PRKN: variants seen among roughly 807,000 people sequenced by gnomAD.
PRKN encodes parkin RBR E3 ubiquitin protein ligase, also known as E3 ubiquitin-protein ligase parkin.
A neutral mutation model predicts 59.5 loss-of-function variants in PRKN; 56 were observed. The ratio of observed to expected loss-of-function variants is 0.94; its 90% CI spans 0.76 to 1.18. The LOEUF (loss-of-function observed/expected upper bound fraction) is 1.18, where lower values mean the gene tolerates loss of function less well. Among genes scored for constraint, PRKN ranks in the 50% most tolerant of loss-of-function variants. The pLI, the probability that PRKN is intolerant of heterozygous loss-of-function variation, is 0.00. For synonymous variants in PRKN, 250 were observed against 222.1 expected (o/e 1.13, Z -1.12); for missense variants, 657 against 596.4 (o/e 1.10, Z -1.06).
intron 1 of PRKN, among the ~76,000 whole-genome samples, chr6:162,576,381 T>C (rs1326989499): frequency 6.6e-6 from 1 of 152,156 alleles, no homozygotes; most frequent in Non-Finnish European, 1.5e-5. Flanking sequence ...ATTAGGAAGA[T>C]GAAATCAACG....
intron 9 of PRKN, among the ~76,000 whole-genome samples, chr6:161,455,707 C>G (rs1428091480): frequency 1.3e-5 from 2 of 151,540 alleles, no homozygotes; most frequent in Non-Finnish European, 2.9e-5. Context: ...CTACTAAATA[C>G]AAAAAATTAG....
chr6:162,501,420 T>C (rs1194335306), intron 1 of PRKN, among the ~76,000 whole-genome samples: 1 of 150,940 alleles, frequency 6.6e-6, no homozygotes, highest in Non-Finnish European at 1.5e-5. Flanking sequence ...TAATCTCGGC[T>C]CACTGCAGCC....
chr6:161,855,653 G>A (rs1001732750), intron 6 of PRKN, among the ~76,000 whole-genome samples: 6 of 151,980 alleles, frequency 3.9e-5, no homozygotes, highest in East Asian at 1.9e-4. Flanking sequence ...CTTTCTTTAC[G>A]CTGTTCTTTA....
intron 9 of PRKN, among the ~76,000 whole-genome samples, chr6:161,489,665 C>T (rs540301947): frequency 1.8e-4 from 28 of 151,716 alleles, no homozygotes; most frequent in African/African-American, 5.1e-4. Context: ...TTTTAACCTA[C>T]TAGGGATCTA....
chr6:162,193,956 A>C (rs1279637136), intron 4 of PRKN, among the ~76,000 whole-genome samples: 15 of 152,202 alleles, frequency 9.9e-5, no homozygotes, highest in Admixed American at 9.8e-4. Context: ...TTCAATATAA[A>C]ATACAGAAGA....
At chr6:161,964,962 T>A (rs900996242) in intron 6 of PRKN, among the ~76,000 whole-genome samples, 5 of 152,094 alleles carry the variant, frequency 3.3e-5, no homozygotes, top group African/African-American at 1.2e-4. Flanking sequence ...AGAATTAATA[T>A]GTGAATTGAC....
At chr6:161,885,228 A>G (rs1223974972) in intron 6 of PRKN, among the ~76,000 whole-genome samples, 2 of 152,110 alleles carry the variant, frequency 1.3e-5, no homozygotes, top group Non-Finnish European at 2.9e-5. Flanking sequence ...AAGGCATTCA[A>G]TCTGCTTCTT....
chr6:161,716,806 T>C (rs375662109), intron 7 of PRKN, among the ~76,000 whole-genome samples: 5 of 152,118 alleles, frequency 3.3e-5, no homozygotes, highest in East Asian at 3.9e-4. Context: ...CAAGGTGGCA[T>C]GGCCAGAGCA....
chr6:162,348,725 C>T (rs1243226900), intron 2 of PRKN, among the ~76,000 whole-genome samples: 2 of 151,898 alleles, frequency 1.3e-5, no homozygotes, highest in African/African-American at 4.8e-5. Flanking sequence ...AGATGCAAGG[C>T]CTTACAAAAA....
chr6:162,331,816 G>A (rs975955738), intron 2 of PRKN, among the ~76,000 whole-genome samples: 1 of 152,128 alleles, frequency 6.6e-6, no homozygotes, highest in Non-Finnish European at 1.5e-5. Flanking sequence ...TGAGACCTCC[G>A]TAGCGGTGGG....
chr6:162,417,556 C>T (rs1788694205), intron 2 of PRKN, among the ~76,000 whole-genome samples: 1 of 152,156 alleles, frequency 6.6e-6, no homozygotes, highest in Non-Finnish European at 1.5e-5. Flanking sequence ...ATATGAGTGA[C>T]CTGCTTTAAT....
chr6:162,595,823 G>T (rs1254418546), intron 1 of PRKN, among the ~76,000 whole-genome samples: 3 of 152,046 alleles, frequency 2.0e-5, no homozygotes, highest in Non-Finnish European at 4.4e-5. Context: ...CTCCATTTGA[G>T]TTACTAATGC....
chr6:161,723,066 C>T lies in PRKN; in HGVS notation c.871+62706G>A, dbSNP rs189826891. On this transcript the variant is annotated intron_variant, in intron 7 of 11. Transcript: ENST00000366898. Reference sequence around the variant, plus strand: ...GGTGGATCACTTGAGGTCAAGAGTTCGAGACCAGCTTGACCTACATAGTGA... The same window carrying T: ...GGTGGATCACTTGAGGTCAAGAGTTTGAGACCAGCTTGACCTACATAGTGA... Among the ~76,000 whole-genome samples the T allele has an allele frequency of 3.9e-4, 59 of 152,200 alleles. No individual in the cohort carries two copies. The Middle Eastern group carries it at 0.01, about 26-fold the overall frequency.
rs1440596026 is a variant in PRKN at position 162,241,040 on chromosome 6, CT to C, written c.412+21484del. Among the ~76,000 whole-genome samples the C allele has an allele frequency of 3.9e-5, 6 of 152,262 alleles. No individual in the cohort carries two copies. The East Asian group carries it at 1.2e-3, about 29-fold the overall frequency. On this transcript the variant is annotated intron_variant, in intron 3 of 11. Coordinates refer to ENST00000366898, the MANE Select transcript of PRKN (RefSeq NM_004562.3). ...ATTTGGAGTTGACTTTTTAAATTTC[CT>C]TTCAATGTTAGAAATTTAAATTAGA...
intron 1 of PRKN, among the ~76,000 whole-genome samples, chr6:162,590,761 G>A (rs1021243520): frequency 7.9e-5 from 12 of 152,090 alleles, no homozygotes; most frequent in African/African-American, 2.9e-4. Flanking sequence ...TATTATGAGT[G>A]AATTGGTGAA....
At chr6:162,367,067 G>A (rs546724535) in intron 2 of PRKN, among the ~76,000 whole-genome samples, 1 of 152,062 alleles carries the variant, frequency 6.6e-6, no homozygotes, top group Non-Finnish European at 1.5e-5. Flanking sequence ...CCGGTGGGAG[G>A]TAGTTGAATC....
At chr6:162,561,436 G>GC (rs1452618895) in intron 1 of PRKN, among the ~76,000 whole-genome samples, 3 of 151,962 alleles carry the variant, frequency 2.0e-5, no homozygotes, top group Non-Finnish European at 4.4e-5. Context: ...CCCCGACCCC[G>GC]CAAGGACACC....
intron 4 of PRKN, among the ~76,000 whole-genome samples, chr6:162,064,871 T>C (rs1330139670): frequency 1.3e-5 from 2 of 152,258 alleles, no homozygotes; most frequent in Admixed American, 6.5e-5. Flanking sequence ...TTCTCATTAA[T>C]GGCCTCTTTT....
intron 1 of PRKN, among the ~76,000 whole-genome samples, chr6:162,590,115 C>G (rs1159128115): frequency 6.6e-6 from 1 of 152,092 alleles, no homozygotes; most frequent in African/African-American, 2.4e-5. Context: ...TCCAAAAGTG[C>G]CAGATGTCTT....
Sources: gnomAD v4.1 joint callset for allele counts (sites outside exome capture counted in the v4.1 genomes callset) on GRCh38, gnomAD v4.1.1 for gene constraint, MANE v1.5 for transcripts, NCBI Gene and HGNC (gene_info 2026-07-23, HGNC 2026-07-21) for gene names.